COLGALT2: variants seen among roughly 807,000 people sequenced by gnomAD.
COLGALT2 encodes the protein collagen beta(1-O)galactosyltransferase 2, also known as procollagen galactosyltransferase 2.
In COLGALT2, 49 loss-of-function variants were observed where a neutral mutation model predicts 73.4. That is an observed-to-expected ratio of 0.67 (90% CI 0.53 to 0.85). The LOEUF (loss-of-function observed/expected upper bound fraction) is 0.85, where lower values mean the gene tolerates loss of function less well. COLGALT2 is among the 40% of genes least tolerant of loss of function. COLGALT2 has a pLI of 0.00. For missense variants in COLGALT2, 722 were observed against 790.2 expected, an observed-to-expected ratio of 0.91 and a Z score of 1.03; for synonymous variants, 295 against 307.6, an observed-to-expected ratio of 0.96 and a Z score of 0.43.
intron 1 of COLGALT2, among the ~76,000 whole-genome samples, chr1:184,035,062 G>C (rs986375027): frequency 6.6e-6 from 1 of 152,178 alleles, no homozygotes; most frequent in Non-Finnish European, 1.5e-5. Flanking sequence ...TGCACTTCTT[G>C]CTTAACCTGC....
downstream of COLGALT2, among the ~76,000 whole-genome samples, chr1:183,934,454 TC>T (rs758286220): frequency 1.4e-4 from 21 of 152,134 alleles, no homozygotes; most frequent in Non-Finnish European, 2.2e-4. Flanking sequence ...GACAGCCGGT[TC>T]CCCTGAAATA....
exon 12 of COLGALT2, chr1:183,930,179 C>A: frequency 2.2e-6 from 1 of 455,922 alleles, no homozygotes; most frequent in South Asian, 1.6e-5. Context: ...TGAACACGAC[C>A]ACCTCTGCCA....
At chr1:183,999,528 T>C (rs1482398195) in intron 1 of COLGALT2, among the ~76,000 whole-genome samples, 1 of 152,208 alleles carries the variant, frequency 6.6e-6, no homozygotes, top group East Asian at 1.9e-4. Context: ...GTATATATAA[T>C]GTTGGAATGA....
chr1:184,037,392 G>C lies in COLGALT2; in HGVS notation c.-35C>G. The C allele has an allele frequency of 7.4e-7, 1 of 1,349,672 alleles. No homozygotes were observed. The highest frequency in any genetic ancestry group is 9.5e-7 in the Non-Finnish European group (1 of 1,053,112). The allele number at this position is 1,349,672 out of a possible 1,614,324, so 83.6% of individuals were successfully genotyped here. ...CGAGGCGGGCGGCGGGGAAGTCCTG[G>C]CGCGAGCGCCCGGCTGGGCTGCCTG... is the stretch of plus-strand genomic sequence containing the variant. On this transcript the variant is annotated 5_prime_UTR_variant, in exon 1 of 12. Coordinates refer to ENST00000361927, the MANE Select transcript of COLGALT2 (RefSeq NM_015101.4).
At chr1:183,939,123 T>C in intron 11 of COLGALT2, 86 bp from the exon 12 acceptor site, 1 of 900,544 alleles carries the variant, frequency 1.1e-6, no homozygotes, top group South Asian at 1.7e-5. Context: ...GGCCTCCTGG[T>C]TACCTCATGA....
rs117263687 is a variant in COLGALT2, at chr1:184,019,633, C to T, written c.263+17462G>A. ...AGAGCTTTTCAGAGGAATAACACTC[C>T]ATTGTTGAGACTCAGAACTTAAGTA... On this transcript the variant is annotated intron_variant, in intron 1 of 11. Coordinates refer to ENST00000361927, the MANE Select transcript of COLGALT2 (RefSeq NM_015101.4). Among the ~76,000 whole-genome samples, 239 of 152,232 alleles carry T rather than the reference C, an allele frequency of 1.6e-3. 8 individuals carry two copies. The East Asian group carries it at 0.04, about 25-fold the overall frequency.
chr1:183,932,318 T>C (rs1168297671), downstream of COLGALT2, among the ~76,000 whole-genome samples: 1 of 152,140 alleles, frequency 6.6e-6, no homozygotes, highest in African/African-American at 2.4e-5. Flanking sequence ...GATTAATGAA[T>C]AGTTCCTACT....
Position 183,969,249 on chromosome 1 carries a change from C to A in COLGALT2, c.832+20G>T. ...TTGCTGTGTCTCCATTGTGGCACTA[C>A]AACCAAAGACAAACAGTACCTGCTT... On this transcript the variant is annotated intron_variant, in intron 5 of 11. Transcript: ENST00000361927. 1 of 1,590,822 alleles carries A rather than the reference C, an allele frequency of 6.3e-7. No individual in the cohort carries two copies. Among genetic ancestry groups the A allele is most frequent in the Non-Finnish European group, 8.6e-7 (1 of 1,167,080 alleles).
At chr1:183,996,829 G>T (rs1671782075) in intron 1 of COLGALT2, among the ~76,000 whole-genome samples, 1 of 152,206 alleles carries the variant, frequency 6.6e-6, no homozygotes, top group East Asian at 1.9e-4. Flanking sequence ...TTGAGGAAAT[G>T]ACCTATTATA....
intron 1 of COLGALT2, among the ~76,000 whole-genome samples, chr1:184,022,410 T>A (rs1300583833): frequency 2.0e-5 from 3 of 152,146 alleles, no homozygotes; most frequent in Non-Finnish European, 4.4e-5. Context: ...AATGCCTGTT[T>A]GGAAACACAG....
At chr1:183,992,792 C>G (rs1214365172) in intron 1 of COLGALT2, among the ~76,000 whole-genome samples, 1 of 152,184 alleles carries the variant, frequency 6.6e-6, no homozygotes, top group Non-Finnish European at 1.5e-5. Context: ...GGTGCTCAAG[C>G]CTTCCCCAAC....
At chr1:184,016,543 G>A (rs115391053) in intron 1 of COLGALT2, among the ~76,000 whole-genome samples, 1,543 of 152,326 alleles carry the variant, frequency 0.01, 22 homozygotes, top group African/African-American at 0.035. Context: ...GTGGCATTGG[G>A]TGGGGCAGCA....
intron 8 of COLGALT2, among the ~76,000 whole-genome samples, chr1:183,950,316 A>C (rs1195278672): frequency 6.6e-6 from 1 of 152,186 alleles, no homozygotes; most frequent in Non-Finnish European, 1.5e-5. Context: ...TAAAAACTTC[A>C]ACAGCTGCTA....
Position 183,940,704 on chromosome 1 carries a change from G to A in COLGALT2, c.1481C>T (p.Ser494Phe). The change falls in exon 11 of 12, where the codon TCC (serine) becomes TTC (phenylalanine). Residue 494 changes from serine (S) to phenylalanine (F), a missense_variant. Transcript: ENST00000361927. ...GATGACGTAGCCCAGGGTCCAGTAG[G>A]AATAGTCGGCTTCGACCAGGTTTGC... is the stretch of plus-strand genomic sequence containing the variant. ...NVANLVEADY[S>F]YWTLGYVISL... 1 of 1,614,248 alleles carries A rather than the reference G, an allele frequency of 6.2e-7. No homozygotes were observed. The highest frequency in any genetic ancestry group is 8.5e-7 in the Non-Finnish European group (1 of 1,180,050).
At chr1:184,009,729 G>A (rs1672183533) in intron 1 of COLGALT2, among the ~76,000 whole-genome samples, 1 of 152,142 alleles carries the variant, frequency 6.6e-6, no homozygotes, top group African/African-American at 2.4e-5. Context: ...AGAAGTTAAT[G>A]GAGACAGAGA....
At chr1:184,020,968 T>C (rs1051702654) in intron 1 of COLGALT2, among the ~76,000 whole-genome samples, 6 of 151,978 alleles carry the variant, frequency 3.9e-5, no homozygotes, top group Non-Finnish European at 8.8e-5. Context: ...GGGCTGGCAT[T>C]CCCCAGAGCA....
chr1:184,020,564 T>C (rs1649150887), intron 1 of COLGALT2, among the ~76,000 whole-genome samples: 1 of 152,190 alleles, frequency 6.6e-6, no homozygotes, highest in Non-Finnish European at 1.5e-5. Flanking sequence ...CATTCAGGCC[T>C]TGGGGCTCAA....
At position 183,936,737 on chromosome 1, in the gene COLGALT2, T is replaced by C; in HGVS notation, c.*2024A>G. 8.1e-7 allele frequency: 1 copy of C among 1,230,536 alleles called. No homozygotes were observed. Among genetic ancestry groups the C allele is most frequent in the Non-Finnish European group, 1.0e-6 (1 of 987,708 alleles). The allele number at this position is 1,230,536 out of a possible 1,614,324, so 76.2% of individuals were successfully genotyped here. ...ACTCGCTCCCCAGATGCTCTTTCTG[T>C]TTTTCTGGGGGTGGGTGGGAAAGGA... On this transcript the variant is annotated 3_prime_UTR_variant, in exon 12 of 12. Transcript: ENST00000361927.
chr1:183,976,327 G>A (rs116318841), intron 2 of COLGALT2, among the ~76,000 whole-genome samples: 1 of 140,100 alleles, frequency 7.1e-6, no homozygotes, highest in African/African-American at 2.7e-5. Flanking sequence ...CATGGGCTTG[G>A]ATTTGAGAAA....
Sources: allele counts gnomAD v4.1 joint callset (sites outside exome capture counted in the v4.1 genomes callset), GRCh38; gene constraint gnomAD v4.1.1; transcripts MANE v1.5; gene names NCBI Gene and HGNC (gene_info 2026-07-23, HGNC 2026-07-21).